The following AK3 variants were observed in gnomAD, a reference collection of about 807,000 sequenced individuals.
AK3 encodes adenylate kinase 3, also known as GTP:AMP phosphotransferase AK3, mitochondrial.
In AK3, 27 loss-of-function variants were observed where a neutral mutation model predicts 23.7. The ratio of observed to expected loss-of-function variants is 1.14; its 90% CI spans 0.84 to 1.57. The LOEUF (loss-of-function observed/expected upper bound fraction) is 1.57, where lower values mean the gene tolerates loss of function less well. Among genes scored for constraint, AK3 ranks in the 40% most tolerant of loss-of-function variants. The pLI is 0.00. For synonymous variants in AK3, 159 were observed against 116.0 expected (o/e 1.37, Z -2.38); for missense variants, 406 against 285.6 (o/e 1.42, Z -3.04).
chr9:4,740,950 C>A lies in AK3; in HGVS notation c.138G>T (p.Met46Ile). 6.4e-7 allele frequency: 1 copy of A among 1,572,752 alleles called. No individual in the cohort carries two copies. ...LSSGDLLRDNMLRGTEIGVLA... is the reference protein window; with the variant it reads ...LSSGDLLRDNILRGTEIGVLA... The stretch of plus-strand genomic sequence containing the variant: ...CAGAGCTCCCACCTGTGCCCCGCAG[C>A]ATGTTGTCCCGGAGCAGGTCCCCGC... Residue 46 changes from methionine to isoleucine, a missense_variant, in exon 1 of 5, where the codon ATG becomes ATT. Coordinates refer to ENST00000381809, the MANE Select transcript of AK3 (RefSeq NM_016282.4).
At position 4,714,161 on chromosome 9, in the gene AK3, C is replaced by A. The variant is rs548330588; in HGVS notation, c.564-1065G>T. On this transcript the variant is annotated intron_variant, in intron 4 of 4. Transcript: ENST00000381809. ...ACACATATACACACCTCCACATACA[C>A]ACACCTCCACACATACGCCTCCACA... Among the ~76,000 whole-genome samples the A allele has an allele frequency of 8.2e-4, 105 of 128,466 alleles. 2 individuals carry two copies. Among genetic ancestry groups the A allele is most frequent in the African/African-American group, 3.3e-3 (100 of 29,866 alleles). The allele number at this position is 128,466 out of a possible 152,430, so 84.3% of individuals were successfully genotyped here.
intron 1 of AK3, among the ~76,000 whole-genome samples, chr9:4,727,689 T>A (rs1842050568): frequency 6.6e-6 from 1 of 152,222 alleles, no homozygotes; most frequent in South Asian, 2.1e-4. Flanking sequence ...GCAGCACTTT[T>A]AATTTCCTTC....
intron 2 of AK3, among the ~76,000 whole-genome samples, chr9:4,720,625 G>T (rs1841870282): frequency 6.6e-6 from 1 of 151,106 alleles, no homozygotes; most frequent in South Asian, 2.1e-4. Flanking sequence ...AGGAGGTCAA[G>T]GCTGCAATAA....
chr9:4,722,038 C>A (rs528431814), intron 2 of AK3, among the ~76,000 whole-genome samples: 1 of 152,326 alleles, frequency 6.6e-6, no homozygotes, highest in African/African-American at 2.4e-5. Context: ...CTCAGATCTT[C>A]TTGAAGAAAA....
In AK3 at chr9:4,719,183, G is replaced by A. The variant is rs775553600; in HGVS notation, c.396C>T (p.Pro132=). ...KQRLTARWIH[P]ASGRVYNIEF... ...CAATGTTATAGACTCGGCCACTGGC[G>A]GGATGAATCCAGCGAGCAGTAAGGC... The change falls in exon 3 of 5, where the codon CCC becomes CCT. Residue 132 remains proline (P), a synonymous_variant. Transcript: ENST00000381809. 50 of 1,611,742 alleles carry A rather than the reference G, an allele frequency of 3.1e-5. No homozygotes were observed. The South Asian group carries it at 3.3e-4, about 11-fold the overall frequency.
In AK3 at chr9:4,710,763, A is replaced by T. The variant is rs1444843567; in HGVS notation, c.*2213T>A. 1 of 152,102 alleles carries T rather than the reference A, an allele frequency of 6.6e-6. No individual in the cohort carries two copies. Among genetic ancestry groups the T allele is most frequent in the African/African-American group, 2.4e-5 (1 of 41,398 alleles). The allele number at this position is 152,102 out of a possible 1,614,324, so 9.4% of individuals were successfully genotyped here. A position where few individuals can be genotyped will look rare whatever the true frequency, so the allele number is the denominator to read the frequency against. On this transcript the variant is annotated 3_prime_UTR_variant, in exon 5 of 5. Coordinates refer to ENST00000381809, the MANE Select transcript of AK3 (RefSeq NM_016282.4). ...GCCGTCTCTACAAAAAAATAAAATT[A>T]GCCAGGCATGGTGGTACATACCTGT...
chr9:4,729,478 A>C (rs78344369), intron 1 of AK3, among the ~76,000 whole-genome samples: 1,896 of 151,988 alleles, frequency 0.012, 40 homozygotes, highest in East Asian at 0.074. Flanking sequence ...TCTTGCAGGG[A>C]GGGGGGAAAG....
At position 4,741,045 on chromosome 9, in the gene AK3, C is replaced by A. The variant is rs777057896; in HGVS notation, c.43G>T (p.Ala15Ser). The A allele has an allele frequency of 3.8e-6, 6 of 1,572,106 alleles. No individual in the cohort carries two copies. In the Admixed American group the frequency reaches 9.3e-5, roughly 24 times the overall value. Residue 15 changes from alanine to serine, a missense_variant, in exon 1 of 5, where the codon GCC (alanine) becomes TCC (serine). By Grantham distance (99) the Ala-to-Ser change is moderately conservative (BLOSUM62 1). Coordinates refer to ENST00000381809, the MANE Select transcript of AK3 (RefSeq NM_016282.4). The stretch of plus-strand genomic sequence containing the variant: ...ACGGTGCCCTTGCCCGAGCCCGGGG[C>A]CCCCATGATCACCGCTCGCAGCAGC... The part of the protein sequence containing the change: ...ARLLRAVIMG[A>S]PGSGKGTVSS...
chr9:4,727,338 T>A (rs966512984), intron 1 of AK3, among the ~76,000 whole-genome samples: 4 of 152,262 alleles, frequency 2.6e-5, no homozygotes, highest in Admixed American at 6.5e-5. Flanking sequence ...TTCGTTTACA[T>A]TGAAAATCTG....
intron 1 of AK3, among the ~76,000 whole-genome samples, chr9:4,738,780 T>G (rs1156580830): frequency 6.9e-6 from 1 of 144,448 alleles, no homozygotes; most frequent in Admixed American, 6.8e-5. Flanking sequence ...TTTTTTTTTT[T>G]TTTTTGAGAC....
intron 1 of AK3, among the ~76,000 whole-genome samples, chr9:4,724,079 G>C (rs191976928): frequency 6.6e-6 from 1 of 152,196 alleles, no homozygotes; most frequent in Admixed American, 6.5e-5. Context: ...GCATGGACAC[G>C]GGCTGTCATG....
rs1336549901 is a variant in AK3, at chr9:4,718,439, C to T, written c.543G>A (p.Lys181=). ...KRLKAYEDQT[K]PVLEYYQKKG... is the part of the protein sequence containing the mutation. ...CTCACTGGTAATATTCCAGGACTGG[C>T]TTTGTTTGGTCTTCATAAGCCTTTA... Residue 181 remains lysine (K), a synonymous_variant, in exon 4 of 5, where the codon AAG becomes AAA. Coordinates refer to ENST00000381809, the MANE Select transcript of AK3 (RefSeq NM_016282.4). 1 of 1,612,596 alleles carries T rather than the reference C, an allele frequency of 6.2e-7. No homozygotes were observed. The highest frequency in any genetic ancestry group is 2.2e-5 in the East Asian group (1 of 44,870).
At position 4,713,908 on chromosome 9, in the gene AK3, A is replaced by C. The variant is rs1471889806; in HGVS notation, c.564-812T>G. Among the ~76,000 whole-genome samples the C allele has an allele frequency of 1.7e-3, 237 of 141,800 alleles. 2 individuals carry two copies. Among genetic ancestry groups the C allele is most frequent in the Middle Eastern group, 0.016 (4 of 258 alleles). The allele number at this position is 141,800 out of a possible 152,430, so 93.0% of individuals were successfully genotyped here. On this transcript the variant is annotated intron_variant, in intron 4 of 4. Coordinates refer to ENST00000381809, the MANE Select transcript of AK3 (RefSeq NM_016282.4). Reference sequence around the variant, plus strand: ...CTAGCCCATGCGTACACCTACGCCTACACATATACACCTCCACATATACAC... The same window carrying C: ...CTAGCCCATGCGTACACCTACGCCTCCACATATACACCTCCACATATACAC...
At chr9:4,731,541 C>G (rs1470893048) in intron 1 of AK3, among the ~76,000 whole-genome samples, 1 of 149,376 alleles carries the variant, frequency 6.7e-6, no homozygotes, top group Non-Finnish European at 1.5e-5. Context: ...TTATTAAAAC[C>G]TGGAGCCTAT....
In AK3 at chr9:4,712,458, A is replaced by T. The variant is rs1233562127; in HGVS notation, c.*518T>A. ...ATACATTTCTTAGTGTAAAGGCAGC[A>T]GTGAATTTGTGTCTCACAATAAATC... is the stretch of plus-strand genomic sequence containing the variant. On this transcript the variant is annotated 3_prime_UTR_variant, in exon 5 of 5. Coordinates refer to ENST00000381809, the MANE Select transcript of AK3 (RefSeq NM_016282.4). 6.6e-6 allele frequency: 1 copy of T among 152,344 alleles called. No homozygotes were observed. Among genetic ancestry groups the T allele is most frequent in the African/African-American group, 2.4e-5 (1 of 41,470 alleles). The allele number at this position is 152,344 out of a possible 1,614,324, so 9.4% of individuals were successfully genotyped here. A position where few individuals can be genotyped will look rare whatever the true frequency, so the allele number is the denominator to read the frequency against.
rs183332774 is a variant in AK3, at chr9:4,724,420, T to A, written c.152-1795A>T. ...AGATGGGGTTAATTAATAAAGTACTTAATTTTATCAGTATATGAATAGCTG... is the reference window on the plus strand; with the variant it reads ...AGATGGGGTTAATTAATAAAGTACTAAATTTTATCAGTATATGAATAGCTG... On this transcript the variant is annotated intron_variant, in intron 1 of 4. Coordinates refer to ENST00000381809, the MANE Select transcript of AK3 (RefSeq NM_016282.4). Among the ~76,000 whole-genome samples the A allele has an allele frequency of 1.4e-4, 22 of 152,240 alleles. No homozygotes were observed. The East Asian group carries it at 3.7e-3, about 25-fold the overall frequency.
At position 4,712,929 on chromosome 9, in the gene AK3, C is replaced by A; in HGVS notation, c.*47G>T. ...GAAAAGCAGCTTCTAAATGCAAGGACTAGGAGGTTTGCCCATCTTACTATT... is the reference window on the plus strand; with the variant it reads ...GAAAAGCAGCTTCTAAATGCAAGGAATAGGAGGTTTGCCCATCTTACTATT... On this transcript the variant is annotated 3_prime_UTR_variant, in exon 5 of 5. Coordinates refer to ENST00000381809, the MANE Select transcript of AK3 (RefSeq NM_016282.4). The A allele has an allele frequency of 1.3e-6, 2 of 1,594,764 alleles. No individual in the cohort carries two copies. The highest frequency in any genetic ancestry group is 1.7e-6 in the Non-Finnish European group (2 of 1,169,644).
intron 1 of AK3, among the ~76,000 whole-genome samples, chr9:4,740,130 G>GGTTTCAAAATGA (rs1256817248): frequency 6.6e-6 from 1 of 151,224 alleles, no homozygotes; most frequent in Non-Finnish European, 1.5e-5. Flanking sequence ...TATGTAAATG[G>GGTTTCAAAATGA]GTTTCAAAAT....
chr9:4,727,219 T>A (rs778691595), intron 1 of AK3, among the ~76,000 whole-genome samples: 1 of 152,154 alleles, frequency 6.6e-6, no homozygotes, highest in Non-Finnish European at 1.5e-5. Flanking sequence ...GCTGCATTAG[T>A]CCCTAGCAAG....
Sources: allele counts gnomAD v4.1 joint callset (sites outside exome capture counted in the v4.1 genomes callset), GRCh38; gene constraint gnomAD v4.1.1; transcripts MANE v1.5; gene names NCBI Gene and HGNC (gene_info 2026-07-23, HGNC 2026-07-21).